Variants in GABRA3 observed in about 807,000 individuals in gnomAD.
The protein encoded by GABRA3 is gamma-aminobutyric acid receptor subunit alpha-3.
In GABRA3, 10 loss-of-function variants were observed where a neutral mutation model predicts 30.1. The observed-to-expected ratio is 0.33, with a 90% CI of 0.20 to 0.56. The LOEUF (loss-of-function observed/expected upper bound fraction) is 0.56. GABRA3 is among the 20% of genes least tolerant of loss of function. The pLI is 0.89. For synonymous variants in GABRA3, 151 were observed against 146.8 expected, an observed-to-expected ratio of 1.03 and a Z score of -0.21; for missense variants, 233 against 392.0, an observed-to-expected ratio of 0.59 and a Z score of 3.42.
intron 9 of GABRA3, among the ~76,000 whole-genome samples, chrX:152,182,176 T>C (rs1443465696): frequency 9.2e-6 from 1 of 109,239 alleles, no homozygotes; most frequent in African/African-American, 3.3e-5. Flanking sequence ...TAATGTGGTG[T>C]AGCATATTTA....
chrX:152,326,501 A>T (rs1390176351), intron 3 of GABRA3, among the ~76,000 whole-genome samples: 3 of 111,907 alleles, frequency 2.7e-5, no homozygotes, highest in Non-Finnish European at 5.6e-5. Flanking sequence ...CTACCAGTGG[A>T]TCTCTCAGCA....
At chrX:152,276,850 C>T (rs965111581) in intron 4 of GABRA3, among the ~76,000 whole-genome samples, 1 of 111,805 alleles carries the variant, frequency 8.9e-6, no homozygotes, top group African/African-American at 3.2e-5. Flanking sequence ...TATACACATT[C>T]TTATTTATAA....
At chrX:152,418,573 G>T (rs1246167591) in intron 1 of GABRA3, among the ~76,000 whole-genome samples, 1 of 111,482 alleles carries the variant, frequency 9.0e-6, no homozygotes. Context: ...TGAAAAGACG[G>T]AAGTATATAA....
At chrX:152,342,717 G>C (rs749915984) in intron 3 of GABRA3, among the ~76,000 whole-genome samples, 6 of 111,044 alleles carry the variant, frequency 5.4e-5, no homozygotes, top group Admixed American at 9.6e-5. Context: ...TTTTTGTTCC[G>C]AGATAATGTG....
chrX:152,414,892 G>A (rs934743357), intron 1 of GABRA3, among the ~76,000 whole-genome samples: 2 of 104,915 alleles, frequency 1.9e-5, no homozygotes, highest in East Asian at 3.0e-4. Context: ...AACCTTAAAT[G>A]TATATTGCTA....
chrX:152,222,025 G>C (rs977378581), intron 6 of GABRA3, among the ~76,000 whole-genome samples: 1 of 111,459 alleles, frequency 9.0e-6, no homozygotes, highest in African/African-American at 3.3e-5. Context: ...CCAGCTCCAT[G>C]CATGTCCCTG....
intron 5 of GABRA3, among the ~76,000 whole-genome samples, chrX:152,242,581 C>T (rs747398809): frequency 9.0e-6 from 1 of 111,596 alleles, no homozygotes; most frequent in East Asian, 2.8e-4. Context: ...AACAAATAGC[C>T]CAATTTTTAA....
intron 9 of GABRA3, among the ~76,000 whole-genome samples, chrX:152,170,306 C>G (rs2124322739): frequency 8.9e-6 from 1 of 112,166 alleles, no homozygotes; most frequent in South Asian, 3.7e-4. Flanking sequence ...GTACACAGGC[C>G]AAGGACACTT....
At chrX:152,366,348 G>C (rs1289847271) in intron 1 of GABRA3, among the ~76,000 whole-genome samples, 1 of 111,920 alleles carries the variant, frequency 8.9e-6, no homozygotes, top group Non-Finnish European at 1.9e-5. Flanking sequence ...ATAAGACATA[G>C]CCATGATGCA....
chrX:152,335,302 G>A (rs1413983779), intron 3 of GABRA3, among the ~76,000 whole-genome samples: 1 of 111,981 alleles, frequency 8.9e-6, no homozygotes, highest in African/African-American at 3.3e-5. Flanking sequence ...ATAGCTTAGA[G>A]ATTTTGCCCA....
intron 5 of GABRA3, among the ~76,000 whole-genome samples, chrX:152,247,166 T>C (rs1938473372): frequency 8.9e-6 from 1 of 111,949 alleles, no homozygotes; most frequent in Admixed American, 9.5e-5. Flanking sequence ...GGTCTCAATA[T>C]GATAGCAACC....
chrX:152,381,175 G>A (rs779217061), intron 1 of GABRA3, among the ~76,000 whole-genome samples: 110 of 111,725 alleles, frequency 9.8e-4, no homozygotes, highest in Non-Finnish European at 1.9e-3. Context: ...CTTCTTGCAC[G>A]GCCTACAGAA....
intron 1 of GABRA3, among the ~76,000 whole-genome samples, chrX:152,374,861 A>G (rs955830348): frequency 4.5e-5 from 5 of 111,764 alleles, no homozygotes; most frequent in African/African-American, 1.6e-4. Context: ...GCATATGGCT[A>G]GCCAGTTCTC....
At position 152,167,924 on chromosome X, in the gene GABRA3, G is replaced by T; in HGVS notation, c.*304C>A. ...TAGAATCTCTTGTTCTTTTTGCAGCGGGCAGAGTGCAATAAAATACATGCA... is the reference window on the plus strand; with the variant it reads ...TAGAATCTCTTGTTCTTTTTGCAGCTGGCAGAGTGCAATAAAATACATGCA... On this transcript the variant is annotated 3_prime_UTR_variant, in exon 10 of 10. Transcript: ENST00000370314. The T allele has an allele frequency of 3.3e-6, 1 of 306,109 alleles. No homozygotes were observed. The highest frequency in any genetic ancestry group is 2.6e-5 in the African/African-American group (1 of 38,341). The allele number at this position is 306,109 out of a possible 1,213,427, so 25.2% of individuals were successfully genotyped here.
chrX:152,294,391 G>A (rs886301681), intron 3 of GABRA3, among the ~76,000 whole-genome samples: 4 of 110,671 alleles, frequency 3.6e-5, no homozygotes, highest in Non-Finnish European at 7.6e-5. Context: ...TTCAATCACC[G>A]ATACCCTTTC....
intron 9 of GABRA3, among the ~76,000 whole-genome samples, chrX:152,184,656 T>G (rs1482797067): frequency 9.0e-6 from 1 of 111,531 alleles, no homozygotes; most frequent in African/African-American, 3.2e-5. Context: ...GGGTTATGTT[T>G]TACTGCAGTT....
At chrX:152,361,816 G>T (rs1410222442) in intron 2 of GABRA3, among the ~76,000 whole-genome samples, 1 of 110,962 alleles carries the variant, frequency 9.0e-6, no homozygotes, top group Non-Finnish European at 1.9e-5. Context: ...AAGTCACAAA[G>T]AAATGGGACT....
intron 5 of GABRA3, among the ~76,000 whole-genome samples, chrX:152,242,237 A>G (rs1340502945): frequency 9.0e-6 from 1 of 111,433 alleles, no homozygotes; most frequent in African/African-American, 3.3e-5. Context: ...ATACAGAAGA[A>G]TGAAATTGGA....
At chrX:152,226,925 C>G (rs781019882) in intron 5 of GABRA3, among the ~76,000 whole-genome samples, 1 of 111,747 alleles carries the variant, frequency 8.9e-6, no homozygotes, top group South Asian at 3.8e-4. Flanking sequence ...CTCTTTTACA[C>G]TGTTGGTGGG....
Sources: allele counts gnomAD v4.1 joint callset (sites outside exome capture counted in the v4.1 genomes callset), GRCh38; gene constraint gnomAD v4.1.1; transcripts MANE v1.5; gene names NCBI Gene and HGNC (gene_info 2026-07-23, HGNC 2026-07-21).